The following STX18 variants were observed in gnomAD, a reference collection of about 807,000 sequenced individuals.
The protein encoded by STX18 is syntaxin-18.
A neutral mutation model predicts 50.1 loss-of-function variants in STX18; 40 were observed. The observed-to-expected ratio is 0.80, with a 90% CI of 0.62 to 1.04. The LOEUF is 1.04. Ranked by LOEUF, STX18 falls within the 50% of genes least tolerant of loss-of-function variation. The pLI is 0.00. For missense variants in STX18, 410 were observed against 415.8 expected, an observed-to-expected ratio of 0.99 and a Z score of 0.12; for synonymous variants, 158 against 151.8, an observed-to-expected ratio of 1.04 and a Z score of -0.30.
intron 2 of STX18, among the ~76,000 whole-genome samples, chr4:4,464,801 CTTCTTT>C (rs138410137): frequency 0.036 from 5,402 of 152,002 alleles, 247 homozygotes; most frequent in African/African-American, 0.11. Context: ...TCTCTCTTTT[CTTCTTT>C]ATTAGTCTAG....
intron 1 of STX18, among the ~76,000 whole-genome samples, chr4:4,524,326 T>TC (rs1220247423): frequency 1.3e-5 from 2 of 152,196 alleles, no homozygotes; most frequent in Non-Finnish European, 2.9e-5. Context: ...TCCCCAAATT[T>TC]CCTTTGGAAA....
intron 9 of STX18, among the ~76,000 whole-genome samples, chr4:4,421,913 G>A (rs147940825): frequency 5.3e-5 from 8 of 152,280 alleles, no homozygotes; most frequent in East Asian, 3.9e-4. Flanking sequence ...CACAGGGGGC[G>A]TCTGGCCCCA....
At position 4,501,609 on chromosome 4, in the gene STX18, T is replaced by C. The variant is rs1729466411; in HGVS notation, c.169-29903A>G. ...ACATTTTATGATTCTTATCTTTTGC[T>C]GTGGAGACACCGAGTGTTTGGGATC... is the stretch of plus-strand genomic sequence containing the variant. On this transcript the variant is annotated intron_variant, in intron 1 of 10. Coordinates refer to ENST00000306200, the MANE Select transcript of STX18 (RefSeq NM_016930.4). Among the ~76,000 whole-genome samples, 2 of 152,222 alleles carry C rather than the reference T, an allele frequency of 1.3e-5. 1 individual carries two copies. Among genetic ancestry groups the C allele is most frequent in the South Asian group, 4.1e-4 (2 of 4,826 alleles).
At chr4:4,535,578 T>C (rs552351619) in intron 1 of STX18, among the ~76,000 whole-genome samples, 84 of 152,248 alleles carry the variant, frequency 5.5e-4, no homozygotes, top group Non-Finnish European at 9.9e-4. Flanking sequence ...AGAAGGGTAG[T>C]AGGCTGGCGA....
rs1300403727 is a variant in STX18 at position 4,458,152 on chromosome 4, T to C, written c.353-652A>G. On this transcript the variant is annotated intron_variant, in intron 3 of 10. Coordinates refer to ENST00000306200, the MANE Select transcript of STX18 (RefSeq NM_016930.4). ...TGCTAGCACTTTACATATGTACTGC[T>C]AGTAATTACAATAGCAATTCCGAGT... is the stretch of plus-strand genomic sequence containing the variant. Among the ~76,000 whole-genome samples, 5 of 152,254 alleles carry C rather than the reference T, an allele frequency of 3.3e-5. No homozygotes were observed. In the East Asian group the frequency reaches 9.6e-4, roughly 29 times the overall value.
rs560639970 is a variant in STX18, at chr4:4,467,160, C to T, written c.236+4479G>A. On this transcript the variant is annotated intron_variant, in intron 2 of 10. Coordinates refer to ENST00000306200, the MANE Select transcript of STX18 (RefSeq NM_016930.4). ...AGGAGCAAATGGGGAGGTTAGCAGT[C>T]TTCTGGCCTCTGGCTACATGACTCC... Among the ~76,000 whole-genome samples the T allele has an allele frequency of 1.6e-4, 24 of 152,224 alleles. No homozygotes were observed. In the East Asian group the frequency reaches 4.1e-3, roughly 26 times the overall value.
At chr4:4,507,883 C>T in intron 1 of STX18, 1 of 554,032 alleles carries the variant, frequency 1.8e-6, no homozygotes, top group Non-Finnish European at 3.1e-6. Context: ...GTTTCCTAGT[C>T]CCTTATGTTC....
intron 1 of STX18, among the ~76,000 whole-genome samples, chr4:4,515,155 C>T (rs1021566982): frequency 1.3e-5 from 2 of 151,852 alleles, no homozygotes; most frequent in African/African-American, 4.8e-5. Flanking sequence ...GATAGTGAGA[C>T]CTAAATGAAT....
At position 4,450,911 on chromosome 4, in the gene STX18, G is replaced by A. The variant is rs1049015309; in HGVS notation, c.497+6280C>T. Reference sequence around the variant, plus strand: ...TCCTTTGTGTCCAGAGGATGCTAATGTACAAGTTTCCAATTTAAAAGGAAT... The same window carrying A: ...TCCTTTGTGTCCAGAGGATGCTAATATACAAGTTTCCAATTTAAAAGGAAT... On this transcript the variant is annotated intron_variant, in intron 5 of 10. Coordinates refer to ENST00000306200, the MANE Select transcript of STX18 (RefSeq NM_016930.4). Among the ~76,000 whole-genome samples the A allele has an allele frequency of 5.3e-5, 8 of 152,312 alleles. 1 individual carries two copies. In the South Asian group the frequency reaches 8.3e-4, roughly 16 times the overall value.
At chr4:4,478,653 G>C (rs1191213154) in intron 1 of STX18, 2 of 152,212 alleles carry the variant, frequency 1.3e-5, no homozygotes, top group African/African-American at 2.4e-5. Context: ...TCTACTCCCT[G>C]CTTTGCCACT....
rs1355408643 is a variant in STX18, at chr4:4,433,395, G to A, written c.702+1375C>T. ...ACAAAGAATTCCCCTGCGGAAGGCC[G>A]CAGGGTCCTCTGCCTAGGAAAACCA... On this transcript the variant is annotated intron_variant, in intron 7 of 10. Transcript: ENST00000306200. Among the ~76,000 whole-genome samples the A allele has an allele frequency of 3.3e-5, 5 of 152,152 alleles. No individual in the cohort carries two copies. The South Asian group carries it at 8.3e-4, about 25-fold the overall frequency.
chr4:4,472,367 G>A (rs1176959925), intron 1 of STX18, among the ~76,000 whole-genome samples: 1 of 152,234 alleles, frequency 6.6e-6, no homozygotes, highest in African/African-American at 2.4e-5. Flanking sequence ...AAAGTGGTGG[G>A]AAGAACGCTC....
intron 1 of STX18, among the ~76,000 whole-genome samples, chr4:4,491,755 G>A (rs1233131271): frequency 1.3e-5 from 2 of 152,060 alleles, no homozygotes; most frequent in Non-Finnish European, 2.9e-5. Context: ...GCCTCTCAAA[G>A]GGATCTAGCG....
intron 1 of STX18, among the ~76,000 whole-genome samples, chr4:4,489,040 T>C (rs772952848): frequency 6.6e-6 from 1 of 152,248 alleles, no homozygotes; most frequent in Non-Finnish European, 1.5e-5. Flanking sequence ...GTTTTTGCTT[T>C]ACTCAAACTG....
intron 1 of STX18, among the ~76,000 whole-genome samples, chr4:4,515,054 A>C (rs538398430): frequency 2.0e-4 from 30 of 152,328 alleles, no homozygotes; most frequent in African/African-American, 7.0e-4. Flanking sequence ...TTTAAGTTTC[A>C]CTTTCTCCAT....
At chr4:4,461,251 G>A (rs1229016728) in intron 2 of STX18, among the ~76,000 whole-genome samples, 2 of 152,066 alleles carry the variant, frequency 1.3e-5, no homozygotes, top group African/African-American at 4.8e-5. Flanking sequence ...TGACAGTATG[G>A]TTATTCTATT....
intron 1 of STX18, among the ~76,000 whole-genome samples, chr4:4,495,484 G>A (rs1044131448): frequency 6.6e-6 from 1 of 151,486 alleles, no homozygotes; most frequent in African/African-American, 2.4e-5. Flanking sequence ...AAACTTCTAG[G>A]CTCAAGCAAC....
chr4:4,514,591 C>T (rs1214731547), intron 1 of STX18, among the ~76,000 whole-genome samples: 1 of 152,174 alleles, frequency 6.6e-6, no homozygotes, highest in Non-Finnish European at 1.5e-5. Flanking sequence ...AAGCCAGGCA[C>T]TGTGTTTTAA....
chr4:4,537,281 G>A (rs935303233), intron 1 of STX18, among the ~76,000 whole-genome samples: 1 of 152,208 alleles, frequency 6.6e-6, no homozygotes, highest in African/African-American at 2.4e-5. Context: ...GGCAGGCAAG[G>A]TGAAGGCACA....
Sources: allele counts gnomAD v4.1 joint callset (sites outside exome capture counted in the v4.1 genomes callset), GRCh38; gene constraint gnomAD v4.1.1; transcripts MANE v1.5; gene names NCBI Gene and HGNC (gene_info 2026-07-23, HGNC 2026-07-21).